The following SUCLG2 variants were observed in gnomAD, a reference collection of about 807,000 sequenced individuals.
SUCLG2 encodes the protein succinate-CoA ligase GDP-forming subunit beta, also known as succinate--CoA ligase [GDP-forming] subunit beta, mitochondrial.
In SUCLG2, 42 loss-of-function variants were observed where a neutral mutation model predicts 47.9. The observed-to-expected ratio is 0.88, with a 90% confidence interval of 0.69 to 1.14. The LOEUF is 1.14. SUCLG2 is among the 50% of genes most tolerant of loss of function. The pLI, the probability that SUCLG2 is intolerant of heterozygous loss-of-function variation, is 0.00. For synonymous variants in SUCLG2, 195 were observed against 197.3 expected, an observed-to-expected ratio of 0.99 and a Z score of 0.10; for missense variants, 571 against 525.9, an observed-to-expected ratio of 1.09 and a Z score of -0.84.
intron 1 of SUCLG2, among the ~76,000 whole-genome samples, chr3:67,635,550 C>A (rs1331324879): frequency 2.0e-5 from 3 of 152,168 alleles, no homozygotes; most frequent in Admixed American, 2.0e-4. Context: ...TTACAGTCAG[C>A]CTTATGCATG....
At chr3:67,412,926 T>C (rs1201424569) in intron 9 of SUCLG2, among the ~76,000 whole-genome samples, 2 of 152,172 alleles carry the variant, frequency 1.3e-5, no homozygotes, top group Non-Finnish European at 2.9e-5. Context: ...TTCAACCTTC[T>C]AGAACTGGAA....
chr3:67,380,878 C>T (rs1404905161), intron 10 of SUCLG2, among the ~76,000 whole-genome samples: 1 of 152,178 alleles, frequency 6.6e-6, no homozygotes, highest in African/African-American at 2.4e-5. Flanking sequence ...GGCACCATCT[C>T]TTTGCAGCAT....
At chr3:67,516,275 C>G (rs1705942345) in intron 6 of SUCLG2, among the ~76,000 whole-genome samples, 1 of 152,182 alleles carries the variant, frequency 6.6e-6, no homozygotes, top group South Asian at 2.1e-4. Context: ...ACTTATCCCT[C>G]AGTTCTCACA....
intron 1 of SUCLG2, among the ~76,000 whole-genome samples, chr3:67,630,313 T>C (rs1253064777): frequency 6.6e-6 from 1 of 152,234 alleles, no homozygotes; most frequent in African/African-American, 2.4e-5. Flanking sequence ...GAAAATCATT[T>C]AAACTGTAGA....
chr3:67,484,238 A>T (rs1704993887), intron 9 of SUCLG2, among the ~76,000 whole-genome samples: 1 of 152,092 alleles, frequency 6.6e-6, no homozygotes, highest in Non-Finnish European at 1.5e-5. Flanking sequence ...TCTGGTGAAC[A>T]AGTCTAGTCC....
At chr3:67,498,340 T>C (rs1424010685) in intron 7 of SUCLG2, 45 bp from the exon 8 acceptor site, 2 of 1,594,390 alleles carry the variant, frequency 1.3e-6, no homozygotes, top group East Asian at 2.2e-5. Context: ...CTCTTGAGGA[T>C]CTATAAATTA....
At chr3:67,383,051 G>T (rs573494589) in intron 10 of SUCLG2, among the ~76,000 whole-genome samples, 1 of 152,218 alleles carries the variant, frequency 6.6e-6, no homozygotes, top group Non-Finnish European at 1.5e-5. Flanking sequence ...ATAATTCATT[G>T]AGAATCAGAG....
At chr3:67,649,728 T>C (rs1701253329) in intron 1 of SUCLG2, among the ~76,000 whole-genome samples, 1 of 152,258 alleles carries the variant, frequency 6.6e-6, no homozygotes, top group Non-Finnish European at 1.5e-5. Context: ...TGTTCAAATA[T>C]TTCCAAATCT....
intron 2 of SUCLG2, among the ~76,000 whole-genome samples, chr3:67,533,653 G>A (rs762451502): frequency 2.0e-5 from 3 of 152,112 alleles, no homozygotes; most frequent in South Asian, 2.1e-4. Context: ...ATAAGTTAGA[G>A]GCCTTGGTGC....
intron 2 of SUCLG2, among the ~76,000 whole-genome samples, chr3:67,600,046 T>C (rs913747137): frequency 8.5e-5 from 13 of 152,226 alleles, no homozygotes; most frequent in Admixed American, 5.9e-4. Context: ...TAATTCCATA[T>C]GTAATATTTA....
At chr3:67,581,033 A>C (rs1392830690) in intron 2 of SUCLG2, among the ~76,000 whole-genome samples, 1 of 152,188 alleles carries the variant, frequency 6.6e-6, no homozygotes, top group African/African-American at 2.4e-5. Context: ...CCTCTCTGGT[A>C]CCTTGTAAGG....
Position 67,400,815 on chromosome 3 carries a change from C to T in SUCLG2, c.1099G>A (p.Val367Ile), listed in dbSNP as rs115935149. The change falls in exon 10 of 11, where the codon GTC becomes ATC. Residue 367 changes from valine (V) to isoleucine (I), a missense_variant. Physicochemically the swap from Val to Ile is conservative, Grantham distance 29 (BLOSUM62 3). Transcript: ENST00000307227. ...AILVNIFGGI[V>I]NCAIIANGIT... ...CCATTGGCAATGATGGCACAGTTGA[C>T]GATACCACCAAATATATTGACAAGG... The T allele has an allele frequency of 4.9e-5, 79 of 1,612,374 alleles. No homozygotes were observed. Among genetic ancestry groups the T allele is most frequent in the Middle Eastern group, 1.8e-4 (1 of 5,592 alleles).
intron 2 of SUCLG2, among the ~76,000 whole-genome samples, chr3:67,536,274 C>A (rs1466271773): frequency 6.6e-6 from 1 of 152,176 alleles, no homozygotes; most frequent in African/African-American, 2.4e-5. Context: ...CTGGCTGCAC[C>A]TATATTTAAA....
intron 2 of SUCLG2, among the ~76,000 whole-genome samples, chr3:67,574,170 G>A (rs1385693075): frequency 6.6e-6 from 1 of 152,090 alleles, no homozygotes; most frequent in East Asian, 1.9e-4. Context: ...GACCTAAAAT[G>A]GAAAGGTTTT....
rs149859783 is a variant in SUCLG2 at position 67,550,930 on chromosome 3, T to C, written c.227-21744A>G. Among the ~76,000 whole-genome samples the C allele has an allele frequency of 4.5e-4, 69 of 152,270 alleles. 1 individual carries two copies. In the East Asian group the frequency reaches 0.013, roughly 28 times the overall value. Reference sequence around the variant, plus strand: ...GTGGGGGCAGGGGCGGCGGCAGAAATGCATGGAAAATACTTAACACAATAC... The same window carrying C: ...GTGGGGGCAGGGGCGGCGGCAGAAACGCATGGAAAATACTTAACACAATAC... On this transcript the variant is annotated intron_variant, in intron 2 of 10. Transcript: ENST00000307227.
intron 1 of SUCLG2, among the ~76,000 whole-genome samples, chr3:67,648,267 C>T (rs1345707679): frequency 6.6e-6 from 1 of 152,106 alleles, no homozygotes; most frequent in Non-Finnish European, 1.5e-5. Flanking sequence ...TTTAATCTCC[C>T]TACTACTCTG....
intron 9 of SUCLG2, among the ~76,000 whole-genome samples, chr3:67,490,901 C>A (rs990283973): frequency 1.3e-5 from 2 of 151,956 alleles, no homozygotes; most frequent in Non-Finnish European, 2.9e-5. Flanking sequence ...ACCTGAATGA[C>A]TAAAATTGAA....
chr3:67,431,171 T>A (rs964268993), intron 9 of SUCLG2, among the ~76,000 whole-genome samples: 1 of 152,120 alleles, frequency 6.6e-6, no homozygotes, highest in East Asian at 1.9e-4. Context: ...TTTAGACCAA[T>A]ATCCCTGATG....
intron 9 of SUCLG2, among the ~76,000 whole-genome samples, chr3:67,404,985 T>TC (rs1279716939): frequency 7.3e-5 from 11 of 151,656 alleles, no homozygotes; most frequent in Non-Finnish European, 1.0e-4. Context: ...TTTTTTTTTT[T>TC]TTTTAAGAAT....
Sources: gnomAD v4.1 joint callset for allele counts (sites outside exome capture counted in the v4.1 genomes callset) on GRCh38, gnomAD v4.1.1 for gene constraint, MANE v1.5 for transcripts, NCBI Gene and HGNC (gene_info 2026-07-23, HGNC 2026-07-21) for gene names.